Variants in WBP11 observed in about 807,000 individuals in gnomAD.
The protein encoded by WBP11 is WW domain-binding protein 11.
WBP11 carries 12 observed loss-of-function variants against 66.7 expected under a neutral mutation model. The ratio of observed to expected loss-of-function variants is 0.18; its 90% confidence interval spans 0.12 to 0.29. The LOEUF (loss-of-function observed/expected upper bound fraction) is 0.29, where lower values mean the gene tolerates loss of function less well. Among genes scored for constraint, WBP11 ranks in the 10% least tolerant of loss-of-function variants. WBP11 has a pLI of 1.00. For missense variants in WBP11, 555 were observed against 818.3 expected (o/e 0.68, Z 3.93); for synonymous variants, 255 against 273.8 (o/e 0.93, Z 0.68).
rs56281240 is a variant in WBP11 at position 14,788,034 on chromosome 12, C to T, written c.1493-536G>A. 1.4e-3 allele frequency among the ~76,000 whole-genome samples: 209 copies of T among 152,130 alleles called. 3 individuals are homozygous for T. The highest frequency in any genetic ancestry group is 3.4e-3 in the Admixed American group (52 of 15,282). On this transcript the variant is annotated intron_variant, in intron 11 of 11. Coordinates refer to ENST00000261167, the MANE Select transcript of WBP11 (RefSeq NM_016312.3). ...GGTGGATCATTTGAGGTCAGGAGCT[C>T]GAGACCAGCCTGATGACCAACATGA...
At chr12:14,801,041 A>G (rs938174254) in intron 2 of WBP11, 6 of 464,768 alleles carry the variant, frequency 1.3e-5, no homozygotes, top group African/African-American at 4.0e-5. Flanking sequence ...AAAACGCGAA[A>G]CAAGGGCTCG....
intron 2 of WBP11, 130 bp from the exon 3 acceptor site, chr12:14,800,913 G>T: frequency 1.4e-6 from 1 of 715,942 alleles, no homozygotes; most frequent in Non-Finnish European, 2.3e-6. Context: ...AGCATCTTTG[G>T]ATTCTCTCCA....
intron 3 of WBP11, 147 bp downstream of exon 3, chr12:14,800,605 G>A (rs1280313100): frequency 1.1e-5 from 8 of 711,606 alleles, no homozygotes; most frequent in Non-Finnish European, 1.8e-5. Flanking sequence ...ATAAAGTTTG[G>A]CTTAGTATAT....
chr12:14,789,306 C>T (rs1377473117), intron 10 of WBP11, among the ~76,000 whole-genome samples, 173 bp from the exon 11 acceptor site: 2 of 152,088 alleles, frequency 1.3e-5, no homozygotes, highest in African/African-American at 4.8e-5. Flanking sequence ...TGAGTACAGC[C>T]GGGCATGGTG....
Position 14,786,870 on chromosome 12 carries a change from C to T in WBP11, c.*195G>A, listed in dbSNP as rs1480783015. On this transcript the variant is annotated 3_prime_UTR_variant, in exon 12 of 12. Transcript: ENST00000261167. Reference sequence around the variant, plus strand: ...GATGTTAGCAGCACTGCTTCAATAACTGATCTATTCTGGATGAAATACCCT... The same window carrying T: ...GATGTTAGCAGCACTGCTTCAATAATTGATCTATTCTGGATGAAATACCCT... 1.0e-5 allele frequency: 6 copies of T among 580,114 alleles called. No individual in the cohort carries two copies. The East Asian group carries it at 1.2e-4, about 11-fold the overall frequency. 35.9% of individuals were successfully genotyped at this position (580,114 alleles called of 1,614,324 possible). A position where few individuals can be genotyped will look rare whatever the true frequency, so the allele number is the denominator to read the frequency against.
At chr12:14,801,687 T>C (rs1949965574) in intron 1 of WBP11, among the ~76,000 whole-genome samples, 1 of 152,204 alleles carries the variant, frequency 6.6e-6, no homozygotes, top group African/African-American at 2.4e-5. Context: ...GTTTAGCTTT[T>C]TTCTTATGGA....
At chr12:14,793,085 A>G (rs1016229159) in intron 8 of WBP11, among the ~76,000 whole-genome samples, 2 of 152,160 alleles carry the variant, frequency 1.3e-5, no homozygotes, top group African/African-American at 4.8e-5. Context: ...GTCATTATCA[A>G]TATTAATATT....
chr12:14,803,259 G>C (rs1024339597), intron 1 of WBP11, 93 bp downstream of exon 1: 1 of 394,858 alleles, frequency 2.5e-6, no homozygotes, highest in African/African-American at 2.1e-5. Flanking sequence ...GAGGAGCGGG[G>C]CAAAGGGGCT....
Position 14,800,793 on chromosome 12 carries a change from G to C in WBP11, c.65-10C>G, listed in dbSNP as rs768407172. 13 of 1,597,392 alleles carry C rather than the reference G, an allele frequency of 8.1e-6. 1 individual carries two copies. The highest frequency in any genetic ancestry group is 1.7e-4 in the Middle Eastern group (1 of 5,878). ...TTCCGGGCTTCCTTTCCTTTAAAAG[G>C]AGAGAGGGAGATATAATAAAATCTT... On this transcript the variant is annotated splice_polypyrimidine_tract_variant and intron_variant, in intron 2 of 11. Transcript: ENST00000261167.
chr12:14,793,259 A>G (rs1201078765), intron 8 of WBP11, among the ~76,000 whole-genome samples: 1 of 152,230 alleles, frequency 6.6e-6, no homozygotes, highest in Non-Finnish European at 1.5e-5. Flanking sequence ...TTAATAATCA[A>G]ACACACACAT....
intron 1 of WBP11, among the ~76,000 whole-genome samples, chr12:14,802,999 A>G (rs937399308): frequency 1.4e-4 from 21 of 152,218 alleles, no homozygotes; most frequent in African/African-American, 4.6e-4. Context: ...CTAAACAGCC[A>G]AAGAAGCTTC....
At position 14,785,308 on chromosome 12, in the gene WBP11, A is replaced by G. The variant is rs367700189; in HGVS notation, c.*1757T>C. The G allele has an allele frequency of 2.6e-5, 4 of 152,320 alleles. No homozygotes were observed. The highest frequency in any genetic ancestry group is 2.1e-4 in the South Asian group (1 of 4,832). 9.4% of individuals were successfully genotyped at this position (152,320 alleles called of 1,614,324 possible). On this transcript the variant is annotated 3_prime_UTR_variant, in exon 12 of 12. Transcript: ENST00000261167. ...TAAAAACATCACTCCCAGAAAGAATATAAGTTTCAAGTAAGACCATTAAAA... is the reference window on the plus strand; with the variant it reads ...TAAAAACATCACTCCCAGAAAGAATGTAAGTTTCAAGTAAGACCATTAAAA...
Position 14,796,995 on chromosome 12 carries a change from G to C in WBP11, c.199C>G (p.Pro67Ala). Residue 67 changes from proline to alanine, a missense_variant, in exon 5 of 12, where the codon CCA becomes GCA. Coordinates refer to ENST00000261167, the MANE Select transcript of WBP11 (RefSeq NM_016312.3). This position sits in a 1 kb window ranked among gnomAD's most constrained non-coding sequence, Gnocchi z 4.5. ...MEKLDEMEFN[P>A]VQQPQLNEKV... ...TCATTTAATTGTGGCTGTTGCACTGGGTTAAACTCTAAGAGAAAAAGTAGA... is the reference window on the plus strand; with the variant it reads ...TCATTTAATTGTGGCTGTTGCACTGCGTTAAACTCTAAGAGAAAAAGTAGA... 6.3e-7 allele frequency: 1 copy of C among 1,576,968 alleles called. No individual in the cohort carries two copies. The highest frequency in any genetic ancestry group is 8.6e-7 in the Non-Finnish European group (1 of 1,167,508).
At chr12:14,787,538 T>C (rs1949767318) in intron 11 of WBP11, 40 bp from the exon 12 acceptor site, 1 of 1,420,962 alleles carries the variant, frequency 7.0e-7, no homozygotes, top group Admixed American at 2.5e-5. Context: ...CTGTAAGAAC[T>C]AATAAAATTT....
At chr12:14,794,941 T>A (rs775809857) in intron 6 of WBP11, 30 bp downstream of exon 6, 1 of 1,612,202 alleles carries the variant, frequency 6.2e-7, no homozygotes, top group East Asian at 2.2e-5. Context: ...CTTTACTAAA[T>A]GCTCTCTGAT....
At position 14,794,974 on chromosome 12, in the gene WBP11, T is replaced by C. The variant is rs751942632; in HGVS notation, c.518A>G (p.Tyr173Cys). The change falls in exon 6 of 12, where the codon TAT becomes TGT. Residue 173 changes from tyrosine to cysteine, a missense_variant. Physicochemically the swap from Tyr to Cys is radical, Grantham distance 194. This residue lies in a region of WBP11 where 220 missense variants were observed against 268.2 expected (regional missense o/e 0.82). Transcript: ENST00000261167. Reference sequence around the variant, plus strand: ...GATTGTGACACTGCTTCCTTACCCATAGGCTGAGGTTTTCTTTAGGATAGA... The same window carrying C: ...GATTGTGACACTGCTTCCTTACCCACAGGCTGAGGTTTTCTTTAGGATAGA... ...PPSILKKTSA[Y>C]GPPTRAVSIL... 92 of 1,612,024 alleles carry C rather than the reference T, an allele frequency of 5.7e-5. No homozygotes were observed. Among genetic ancestry groups the C allele is most frequent in the Non-Finnish European group, 7.0e-5 (83 of 1,179,940 alleles).
intron 3 of WBP11, 132 bp from the exon 4 acceptor site, chr12:14,799,860 T>A: frequency 2.5e-6 from 2 of 790,016 alleles, no homozygotes; most frequent in Non-Finnish European, 3.8e-6. Context: ...AACAGCTATG[T>A]AATTTTTTGC....
At position 14,787,022 on chromosome 12, in the gene WBP11, G is replaced by A; in HGVS notation, c.*43C>T. On this transcript the variant is annotated 3_prime_UTR_variant, in exon 12 of 12. Coordinates refer to ENST00000261167, the MANE Select transcript of WBP11 (RefSeq NM_016312.3). ...TTTAATAAGAGCCTCTTTCTCCATG[G>A]GCCACTGTTGTGAACAGAAGCCTTT... 6.5e-7 allele frequency: 1 copy of A among 1,546,202 alleles called. No homozygotes were observed. Among genetic ancestry groups the A allele is most frequent in the South Asian group, 1.2e-5 (1 of 83,312 alleles).
At position 14,785,539 on chromosome 12, in the gene WBP11, G is replaced by A. The variant is rs1012011344; in HGVS notation, c.*1526C>T. 2.6e-5 allele frequency: 4 copies of A among 151,974 alleles called. No individual in the cohort carries two copies. Among genetic ancestry groups the A allele is most frequent in the African/African-American group, 4.8e-5 (2 of 41,338 alleles). 9.4% of individuals were successfully genotyped at this position (151,974 alleles called of 1,614,324 possible). A position where few individuals can be genotyped will look rare whatever the true frequency, so the allele number is the denominator to read the frequency against. ...TTACACTAAAAAACCAACCCAAAAC[G>A]GTCTATTTAGTGCTTTGGCAGGATT... is the stretch of plus-strand genomic sequence containing the variant. On this transcript the variant is annotated 3_prime_UTR_variant, in exon 12 of 12. Coordinates refer to ENST00000261167, the MANE Select transcript of WBP11 (RefSeq NM_016312.3).
Sources: gnomAD v4.1 joint callset for allele counts (sites outside exome capture counted in the v4.1 genomes callset) on GRCh38, gnomAD v4.1.1 for gene constraint, gnomAD v4.1.1 regional missense constraint, Gnocchi (gnomAD v3.1) non-coding constraint, MANE v1.5 for transcripts, NCBI Gene and HGNC (gene_info 2026-07-23, HGNC 2026-07-21) for gene names.